Variants in ALG1 observed in about 807,000 individuals in gnomAD.
The protein encoded by ALG1 is chitobiosyldiphosphodolichol beta-mannosyltransferase.
A neutral mutation model predicts 55.1 loss-of-function variants in ALG1; 58 were observed. That is an observed-to-expected ratio of 1.05 (90% CI 0.85 to 1.31). The LOEUF is 1.31. Ranked by LOEUF, ALG1 falls within the 50% of genes most tolerant of loss-of-function variation. The pLI, the probability that ALG1 is intolerant of heterozygous loss-of-function variation, is 0.00. For missense variants in ALG1, 761 were observed against 598.6 expected, an observed-to-expected ratio of 1.27 and a Z score of -2.83; for synonymous variants, 309 against 247.0, an observed-to-expected ratio of 1.25 and a Z score of -2.35.
At chr16:5,080,499 G>A (rs146181620) in intron 9 of ALG1, among the ~76,000 whole-genome samples, 45 of 152,308 alleles carry the variant, frequency 3.0e-4, no homozygotes, top group African/African-American at 1.1e-3. Context: ...GGAAGAGGCC[G>A]GGTCTGGGCC....
rs2142712342 is a variant in ALG1 at position 5,077,512 on chromosome 16, C to T, written c.607C>T (p.Leu203=). 2 of 1,614,226 alleles carry T rather than the reference C, an allele frequency of 1.2e-6. No individual in the cohort carries two copies. Among genetic ancestry groups the T allele is most frequent in the Non-Finnish European group, 1.7e-6 (2 of 1,180,032 alleles). The change falls in exon 5 of 13, where the codon CTG becomes TTG. Residue 203 remains leucine (L), a synonymous_variant. Transcript: ENST00000262374. The part of the protein sequence containing the change: ...LCVTNAMRED[L]ADNWHIRAVT... The stretch of plus-strand genomic sequence containing the variant: ...TGTTACCAATGCTATGCGAGAAGAC[C>T]TGGCGGATAACTGGCACATCAGGTA...
intron 6 of ALG1, chr16:5,078,337 A>T (rs1315219159): frequency 5.0e-6 from 3 of 603,246 alleles, no homozygotes; most frequent in Non-Finnish European, 6.2e-6. Context: ...CTCTCCTGCC[A>T]GTGGCTTCCC....
Position 5,085,934 on chromosome 16 carries a change from G to C in ALG1, c.*1053G>C, listed in dbSNP as rs969767356. On this transcript the variant is annotated 3_prime_UTR_variant, in exon 13 of 13. Coordinates refer to ENST00000262374, the MANE Select transcript of ALG1 (RefSeq NM_019109.5). Reference sequence around the variant, plus strand: ...AGAAAGCTGGTTTTGCATAGAAATGGCTAGCAGCAGGCACCGTGCCGCTGT... The same window carrying C: ...AGAAAGCTGGTTTTGCATAGAAATGCCTAGCAGCAGGCACCGTGCCGCTGT... Among the ~76,000 whole-genome samples, 4 of 152,214 alleles carry C rather than the reference G, an allele frequency of 2.6e-5. No homozygotes were observed. Among genetic ancestry groups the C allele is most frequent in the Non-Finnish European group, 1.5e-5 (1 of 68,048 alleles).
At position 5,087,008 on chromosome 16, in the gene ALG1, CGAGTG is replaced by C. The variant is rs1957201437; in HGVS notation, c.*2130_*2134del. ...GATTTTCAATCACAGTTTTTTGTTA[CGAGTG>C]GAAAATGCGTATTTATAAGAATGAA... On this transcript the variant is annotated 3_prime_UTR_variant, in exon 13 of 13. Transcript: ENST00000262374. 1 of 152,090 alleles carries C rather than the reference CGAGTG, an allele frequency of 6.6e-6. No homozygotes were observed. The highest frequency in any genetic ancestry group is 1.5e-5 in the Non-Finnish European group (1 of 68,012). 9.4% of individuals were successfully genotyped at this position (152,090 alleles called of 1,614,324 possible). A position where few individuals can be genotyped will look rare whatever the true frequency, so the allele number is the denominator to read the frequency against.
rs775720618 is a variant in ALG1 at position 5,075,511 on chromosome 16, C to T, written c.514C>T (p.His172Tyr). 21 of 1,614,060 alleles carry T rather than the reference C, an allele frequency of 1.3e-5. No homozygotes were observed. In the South Asian group the frequency reaches 2.1e-4, roughly 16 times the overall value. The change falls in exon 4 of 13, where the codon CAT (histidine) becomes TAT (tyrosine). Residue 172 changes from histidine (H) to tyrosine (Y), a missense_variant. His to Tyr is a moderately conservative substitution (Grantham distance 83). Coordinates refer to ENST00000262374, the MANE Select transcript of ALG1 (RefSeq NM_019109.5). Reference sequence around the variant, plus strand: ...CATGGGTCTGGTGCATGGCCCCAACCATCCCCTCGTTCTGCTGGCCAAGTG... The same window carrying T: ...CATGGGTCTGGTGCATGGCCCCAACTATCCCCTCGTTCTGCTGGCCAAGTG... Reference protein sequence around the residue: ...SIMGLVHGPNHPLVLLAKWYE... With the variant: ...SIMGLVHGPNYPLVLLAKWYE...
rs1409336013 is a variant in ALG1 at position 5,086,397 on chromosome 16, G to A, written c.*1516G>A. 1 of 151,596 alleles carries A rather than the reference G, an allele frequency of 6.6e-6. No individual in the cohort carries two copies. The highest frequency in any genetic ancestry group is 1.5e-5 in the Non-Finnish European group (1 of 68,210). The allele number at this position is 151,596 out of a possible 1,614,324, so 9.4% of individuals were successfully genotyped here. ...ACCCACACACACACACAGCTTAGAA[G>A]GGGCTGCTGTTCTCATAAGCACAGA... On this transcript the variant is annotated 3_prime_UTR_variant, in exon 13 of 13. Coordinates refer to ENST00000262374, the MANE Select transcript of ALG1 (RefSeq NM_019109.5).
rs1366814290 is a variant in ALG1 at position 5,082,570 on chromosome 16, C to T, written c.1084C>T (p.Leu362=). 5 of 1,611,884 alleles carry T rather than the reference C, an allele frequency of 3.1e-6. No homozygotes were observed. Among genetic ancestry groups the T allele is most frequent in the Middle Eastern group, 2.2e-4 (1 of 4,452 alleles). The change falls in exon 11 of 13, where the codon CTG becomes TTG. Residue 362 remains leucine, a synonymous_variant. Coordinates refer to ENST00000262374, the MANE Select transcript of ALG1 (RefSeq NM_019109.5). The stretch of plus-strand genomic sequence containing the variant: ...CTCTTGCCTAGCAGGGTCGGCGGAC[C>T]TGGGTGTCTGTCTGCACACGTCCTC... The part of the protein sequence containing the change: ...DYPLLLGSAD[L]GVCLHTSSSG...
At chr16:5,073,799 C>T (rs1022785397) in intron 3 of ALG1, among the ~76,000 whole-genome samples, 1 of 152,250 alleles carries the variant, frequency 6.6e-6, no homozygotes, top group African/African-American at 2.4e-5. Context: ...ACTGCAACCT[C>T]TGCCTGCCGG....
chr16:5,078,717 G>A (rs751878016), intron 6 of ALG1, 40 bp from the exon 7 acceptor site: 2 of 1,612,106 alleles, frequency 1.2e-6, no homozygotes, highest in African/African-American at 2.7e-5. Context: ...TCCCGGGCCT[G>A]CTCTATGGCC....
rs1182705301 is a variant in ALG1, at chr16:5,076,757, T to A, written c.540-688T>A. Among the ~76,000 whole-genome samples, 4 of 151,602 alleles carry A rather than the reference T, an allele frequency of 2.6e-5. No individual in the cohort carries two copies. The East Asian group carries it at 7.8e-4, about 29-fold the overall frequency. On this transcript the variant is annotated intron_variant, in intron 4 of 12. Coordinates refer to ENST00000262374, the MANE Select transcript of ALG1 (RefSeq NM_019109.5). ...CTTTGCAGTGGTAGCACAGGGTGGCTGAGATCGCTAGTGAGGCCTTCATTG... is the reference window on the plus strand; with the variant it reads ...CTTTGCAGTGGTAGCACAGGGTGGCAGAGATCGCTAGTGAGGCCTTCATTG...
intron 1 of ALG1, 119 bp downstream of exon 1, chr16:5,072,176 C>T (rs868244629): frequency 6.8e-7 from 1 of 1,475,562 alleles, no homozygotes; most frequent in African/African-American, 1.8e-5. Flanking sequence ...GGCAGCTCTC[C>T]GAGATTAGAC....
chr16:5,074,412 A>C (rs1215056405), intron 3 of ALG1, among the ~76,000 whole-genome samples: 1 of 152,092 alleles, frequency 6.6e-6, no homozygotes, highest in Non-Finnish European at 1.5e-5. Flanking sequence ...GGCCTCCCAG[A>C]TTGCTGGGAT....
In ALG1 at chr16:5,071,863, G is replaced by T. The variant is rs754985167; in HGVS notation, c.14G>T (p.Cys5Phe). 10 of 1,604,646 alleles carry T rather than the reference G, an allele frequency of 6.2e-6. No homozygotes were observed. The highest frequency in any genetic ancestry group is 3.3e-5 in the South Asian group (3 of 90,512). ...GGGCCAGCCAAGATGGCGGCCTCAT[G>T]CTTGGTCCTGCTGGCGCTGTGTCTG... Reference protein sequence around the residue: MAASCLVLLALCLLL... With the variant: MAASFLVLLALCLLL... The change falls in exon 1 of 13, where the codon TGC becomes TTC. Residue 5 changes from cysteine to phenylalanine, a missense_variant. Coordinates refer to ENST00000262374, the MANE Select transcript of ALG1 (RefSeq NM_019109.5).
At chr16:5,074,356 G>A (rs1040384919) in intron 3 of ALG1, among the ~76,000 whole-genome samples, 1 of 151,866 alleles carries the variant, frequency 6.6e-6, no homozygotes, top group Non-Finnish European at 1.5e-5. Flanking sequence ...CGCTATGCTG[G>A]CCAGGATGGT....
In ALG1 at chr16:5,079,741, AAC is replaced by A; in HGVS notation, c.902-3_902-2del. 6.2e-7 allele frequency: 1 copy of A among 1,611,606 alleles called. No individual in the cohort carries two copies. Among genetic ancestry groups the A allele is most frequent in the Non-Finnish European group, 8.5e-7 (1 of 1,179,646 alleles). On this transcript the variant is annotated splice_polypyrimidine_tract_variant and splice_region_variant and intron_variant, in intron 8 of 12. Coordinates refer to ENST00000262374, the MANE Select transcript of ALG1 (RefSeq NM_019109.5). The stretch of plus-strand genomic sequence containing the variant: ...CCATGTAGAATTGTTTCTTTTTCTA[AAC>A]ACAGAGTTTGAACAACTGACTCTTG...
At chr16:5,078,055 G>A (rs1388727297) in intron 6 of ALG1, 38 bp downstream of exon 6, 18 of 1,591,988 alleles carry the variant, frequency 1.1e-5, no homozygotes, top group South Asian at 3.3e-5. Context: ...TCTCCTGCTC[G>A]CCACTGCCCT....
intron 3 of ALG1, among the ~76,000 whole-genome samples, chr16:5,073,584 C>A (rs752853027): frequency 6.6e-6 from 1 of 152,164 alleles, no homozygotes; most frequent in Admixed American, 6.5e-5. Flanking sequence ...GATGAGAAAA[C>A]CTAGACTGAG....
At position 5,085,023 on chromosome 16, in the gene ALG1, G is replaced by C. The variant is rs1455959430; in HGVS notation, c.*142G>C. ...ACAGCAGTGGTACTGCCTGGTAAAA[G>C]AATTGGTTCTGTGACCCGGGAAGCT... On this transcript the variant is annotated 3_prime_UTR_variant, in exon 13 of 13. Coordinates refer to ENST00000262374, the MANE Select transcript of ALG1 (RefSeq NM_019109.5). The C allele has an allele frequency of 1.3e-5, 19 of 1,477,292 alleles. No individual in the cohort carries two copies. In the Admixed American group the frequency reaches 2.4e-4, roughly 18 times the overall value. 91.5% of individuals were successfully genotyped at this position (1,477,292 alleles called of 1,614,324 possible).
intron 9 of ALG1, among the ~76,000 whole-genome samples, chr16:5,080,693 C>G (rs1278531763): frequency 6.6e-6 from 1 of 152,232 alleles, no homozygotes; most frequent in African/African-American, 2.4e-5. Flanking sequence ...GTGCTTACCC[C>G]GCCATGTTTG....
Sources: allele counts gnomAD v4.1 joint callset (sites outside exome capture counted in the v4.1 genomes callset), GRCh38; gene constraint gnomAD v4.1.1; transcripts MANE v1.5; gene names NCBI Gene and HGNC (gene_info 2026-07-23, HGNC 2026-07-21).